PHF3: variants seen among roughly 807,000 people sequenced by gnomAD.
PHF3 encodes PHD finger protein 3.
Under a neutral mutation model 178.4 loss-of-function variants are expected in PHF3, and 41 were observed. That is an observed-to-expected ratio of 0.23 (90% CI 0.18 to 0.30). The LOEUF (loss-of-function observed/expected upper bound fraction) is 0.30, where lower values mean the gene tolerates loss of function less well. Ranked by LOEUF, PHF3 falls within the 10% of genes least tolerant of loss-of-function variation. PHF3 has a pLI of 1.00. For missense variants in PHF3, 2,346 were observed against 2,398.1 expected (o/e 0.98, Z 0.45); for synonymous variants, 842 against 800.5 (o/e 1.05, Z -0.88).
intron 1 of PHF3, among the ~76,000 whole-genome samples, chr6:63,637,767 G>T (rs1197103885): frequency 6.6e-6 from 1 of 152,086 alleles, no homozygotes; most frequent in Non-Finnish European, 1.5e-5. Context: ...AATCAGTCCC[G>T]AAACGGGCTA....
intron 1 of PHF3, among the ~76,000 whole-genome samples, chr6:63,641,563 TGTGTG>T (rs1276025364): frequency 6.7e-6 from 1 of 150,228 alleles, no homozygotes; most frequent in African/African-American, 2.5e-5. Context: ...TGTGTGTGTG[TGTGTG>T]TTTTAGGAAA....
intron 5 of PHF3, among the ~76,000 whole-genome samples, chr6:63,692,662 G>A (rs779075599): frequency 1.3e-5 from 2 of 152,132 alleles, no homozygotes; most frequent in Non-Finnish European, 1.5e-5. Flanking sequence ...AATCCAAAAC[G>A]CAAAGAACAT....
Position 63,685,530 on chromosome 6 carries a change from A to C in PHF3, c.1808A>C (p.His603Pro), listed in dbSNP as rs1766653174. The C allele has an allele frequency of 6.2e-7, 1 of 1,614,150 alleles. No homozygotes were observed. The highest frequency in any genetic ancestry group is 8.5e-7 in the Non-Finnish European group (1 of 1,180,028). Reference protein sequence around the residue: ...THSLSDKSHAHPGCLKEPHHP... With the variant: ...THSLSDKSHAPPGCLKEPHHP... ...TCTTTGAGTGATAAGTCACACGCTCATCCTGGTTGCTTGAAAGAACCTCAT... is the reference window on the plus strand; with the variant it reads ...TCTTTGAGTGATAAGTCACACGCTCCTCCTGGTTGCTTGAAAGAACCTCAT... Residue 603 changes from histidine to proline, a missense_variant, in exon 4 of 16, where the codon CAT becomes CCT. Coordinates refer to ENST00000262043, the MANE Select transcript of PHF3 (RefSeq NM_001370348.2).
At chr6:63,692,099 G>A in intron 5 of PHF3, 56 bp downstream of exon 5, 2 of 1,204,764 alleles carry the variant, frequency 1.7e-6, no homozygotes, top group Non-Finnish European at 2.3e-6. Flanking sequence ...TGTATGGACT[G>A]ACTGCAATAA....
In PHF3 at chr6:63,721,101, A is replaced by G. The variant is rs2149624350; in HGVS notation, c.*7393A>G. ...ATTTAAGGATATAGTAGTGAACTGG[A>G]GGTTTCTCATTCTATAATTTGGATC... On this transcript the variant is annotated 3_prime_UTR_variant, in exon 16 of 16. Transcript: ENST00000262043. 1.3e-6 allele frequency: 2 copies of G among 1,551,368 alleles called. No individual in the cohort carries two copies. Among genetic ancestry groups the G allele is most frequent in the Admixed American group, 3.9e-5 (2 of 50,974 alleles).
chr6:63,698,328 A>T lies in PHF3; in HGVS notation c.2786A>T (p.Gln929Leu), dbSNP rs1274065297. ...ASKPSADQIR[Q>L]SVRHSLKDIL... is the part of the protein sequence containing the mutation. ...AAGCCTTCTGCAGATCAGATCAGGC[A>T]AAGTGTCAGACATTCTCTCAAAGAC... Residue 929 changes from glutamine to leucine, a missense_variant, in exon 7 of 16, where the codon CAA (glutamine) becomes CTA (leucine). Around this residue, in one of 8 missense-constraint regions of PHF3, gnomAD observed 252 missense variants for 232.0 expected, o/e 1.09. Transcript: ENST00000262043. 6.2e-7 allele frequency: 1 copy of T among 1,612,700 alleles called. No homozygotes were observed. The highest frequency in any genetic ancestry group is 2.2e-5 in the East Asian group (1 of 44,800).
At position 63,713,200 on chromosome 6, in the gene PHF3, C is replaced by G. The variant is rs866049668; in HGVS notation, c.5612C>G (p.Pro1871Arg). 2.5e-6 allele frequency: 4 copies of G among 1,613,946 alleles called. No homozygotes were observed. Among genetic ancestry groups the G allele is most frequent in the Non-Finnish European group, 3.4e-6 (4 of 1,179,986 alleles). The change falls in exon 16 of 16, where the codon CCT (proline) becomes CGT (arginine). Residue 1871 changes from proline (P) to arginine (R), a missense_variant. Physicochemically the swap from Pro to Arg is moderately radical, Grantham distance 103. Around this residue, in one of 8 missense-constraint regions of PHF3, gnomAD observed 839 missense variants for 806.9 expected, o/e 1.04. Transcript: ENST00000262043. ...LPGQPQRMMG[P>R]LSQASRYIGP... is the part of the protein sequence containing the mutation. ...GGTCAGCCACAGCGTATGATGGGTC[C>G]TCTCTCACAAGCATCAAGGTATATA...
In PHF3 at chr6:63,721,200, A is replaced by G. The variant is rs1554163911; in HGVS notation, c.*7492A>G. 2.6e-6 allele frequency: 4 copies of G among 1,551,712 alleles called. No homozygotes were observed. In the South Asian group the frequency reaches 4.8e-5, roughly 18 times the overall value. Reference sequence around the variant, plus strand: ...AGTTTTGTTTTCACAATACCTTCCCACCCAACCCAAAGTACACAGGCAACT... The same window carrying G: ...AGTTTTGTTTTCACAATACCTTCCCGCCCAACCCAAAGTACACAGGCAACT... On this transcript the variant is annotated 3_prime_UTR_variant, in exon 16 of 16. Transcript: ENST00000262043.
At chr6:63,673,083 A>G (rs556092444) in intron 2 of PHF3, among the ~76,000 whole-genome samples, 8 of 149,582 alleles carry the variant, frequency 5.3e-5, no homozygotes, top group Non-Finnish European at 1.0e-4. Context: ...TTCCTTCAAC[A>G]CTGTCTTATT....
In PHF3 at chr6:63,692,027, T is replaced by A. The variant is rs1767028299; in HGVS notation, c.2480T>A (p.Val827Asp). The A allele has an allele frequency of 1.2e-6, 2 of 1,605,160 alleles. No homozygotes were observed. The highest frequency in any genetic ancestry group is 8.5e-7 in the Non-Finnish European group (1 of 1,175,314). Reference sequence around the variant, plus strand: ...ATAGATGATACAGTGAAGCACAAGGTCAAAATTTTAAAACGGGTGAGCTCT... The same window carrying A: ...ATAGATGATACAGTGAAGCACAAGGACAAAATTTTAAAACGGGTGAGCTCT... ...KYIDDTVKHKVKILKRESGEG... is the reference protein window; with the variant it reads ...KYIDDTVKHKDKILKRESGEG... Residue 827 changes from valine to aspartate, a missense_variant, in exon 5 of 16, where the codon GTC (valine) becomes GAC (aspartate). Val to Asp is a radical substitution (Grantham distance 152). Coordinates refer to ENST00000262043, the MANE Select transcript of PHF3 (RefSeq NM_001370348.2).
intron 2 of PHF3, among the ~76,000 whole-genome samples, chr6:63,667,232 A>G (rs1354187278): frequency 6.6e-6 from 1 of 152,200 alleles, no homozygotes; most frequent in Non-Finnish European, 1.5e-5. Flanking sequence ...CTTTTAAAAG[A>G]CACTTTAAAT....
intron 3 of PHF3, 123 bp from the exon 4 acceptor site, chr6:63,684,006 A>G (rs1766553925): frequency 1.5e-5 from 10 of 674,966 alleles, no homozygotes; most frequent in Non-Finnish European, 2.5e-5. Context: ...GTACTGTTCA[A>G]TACATTTTTG....
Position 63,720,802 on chromosome 6 carries a change from C to A in PHF3, c.*7094C>A, listed in dbSNP as rs1159511919. 6.4e-7 allele frequency: 1 copy of A among 1,551,030 alleles called. No homozygotes were observed. The highest frequency in any genetic ancestry group is 1.2e-5 in the South Asian group (1 of 84,030). ...CAAATGCCATCATAGTTTAGAGCCA[C>A]AAAGTTTTTATGTGGATCAATATCC... On this transcript the variant is annotated 3_prime_UTR_variant, in exon 16 of 16. Coordinates refer to ENST00000262043, the MANE Select transcript of PHF3 (RefSeq NM_001370348.2).
At chr6:63,704,113 G>C (rs753078648) in intron 11 of PHF3, among the ~76,000 whole-genome samples, 1 of 152,102 alleles carries the variant, frequency 6.6e-6, no homozygotes, top group Non-Finnish European at 1.5e-5. Context: ...TAGGTTCATA[G>C]CAAAATTGGG....
rs368168240 is a variant in PHF3 at position 63,711,923 on chromosome 6, C to T, written c.4335C>T (p.Gly1445=). 8.7e-5 allele frequency: 140 copies of T among 1,613,796 alleles called. No homozygotes were observed. The Admixed American group carries it at 1.4e-3, about 16-fold the overall frequency. The change falls in exon 16 of 16, where the codon GGC becomes GGT. Residue 1445 remains glycine, a synonymous_variant. Transcript: ENST00000262043. ...EPPKPLRFLP[G]VLIGWENQPT... ...CAAAACCTTTAAGATTTCTTCCTGG[C>T]GTGTTGATTGGCTGGGAGAATCAAC...
chr6:63,708,831 G>A (rs1401613082), intron 13 of PHF3, among the ~76,000 whole-genome samples: 1 of 152,148 alleles, frequency 6.6e-6, no homozygotes, highest in Non-Finnish European at 1.5e-5. Flanking sequence ...ATTCTGAAAT[G>A]TGTTGTGTTC....
At chr6:63,664,207 T>C (rs1765584878) in intron 2 of PHF3, among the ~76,000 whole-genome samples, 1 of 152,230 alleles carries the variant, frequency 6.6e-6, no homozygotes, top group African/African-American at 2.4e-5. Context: ...CAGGTTTGAC[T>C]ACTAGGCTTT....
At chr6:63,681,811 C>T (rs2149579749) in intron 3 of PHF3, among the ~76,000 whole-genome samples, 2 of 151,994 alleles carry the variant, frequency 1.3e-5, no homozygotes, top group East Asian at 3.9e-4. Context: ...ATGTCTGACC[C>T]TTGATTATTG....
rs1768584117 is a variant in PHF3 at position 63,725,580 on chromosome 6, A to G, written c.*11872A>G. On this transcript the variant is annotated 3_prime_UTR_variant, in exon 16 of 16. Transcript: ENST00000262043. ...AGATTTAATCATGAATTTAAAACCA[A>G]ATATCTCAGGAGAACAAATTTCTTC... Among the ~76,000 whole-genome samples, 1 of 152,080 alleles carries G rather than the reference A, an allele frequency of 6.6e-6. No individual in the cohort carries two copies. The highest frequency in any genetic ancestry group is 6.6e-5 in the Admixed American group (1 of 15,262).
Sources: gnomAD v4.1 joint callset for allele counts (sites outside exome capture counted in the v4.1 genomes callset) on GRCh38, gnomAD v4.1.1 for gene constraint, gnomAD v4.1.1 regional missense constraint, MANE v1.5 for transcripts, NCBI Gene and HGNC (gene_info 2026-07-23, HGNC 2026-07-21) for gene names.